The following TNFRSF25 variants were observed in gnomAD, a reference collection of about 807,000 sequenced individuals.
The protein encoded by TNFRSF25 is TNF receptor superfamily member 25, also known as tumor necrosis factor receptor superfamily member 25.
In TNFRSF25, 28 loss-of-function variants were observed where a neutral mutation model predicts 49.4. That is an observed-to-expected ratio of 0.57 (90% CI 0.42 to 0.78). TNFRSF25 has a LOEUF of 0.78. Ranked by LOEUF, TNFRSF25 falls within the 30% of genes least tolerant of loss-of-function variation. The pLI is 0.00. For synonymous variants in TNFRSF25, 240 were observed against 234.2 expected, an observed-to-expected ratio of 1.02 and a Z score of -0.23; for missense variants, 531 against 581.6, an observed-to-expected ratio of 0.91 and a Z score of 0.90.
In TNFRSF25 at chr1:6,461,218, G is replaced by T. The variant is rs45481403; in HGVS notation, c.*216C>A. On this transcript the variant is annotated 3_prime_UTR_variant, in exon 10 of 10. Coordinates refer to ENST00000356876, the MANE Select transcript of TNFRSF25 (RefSeq NM_003790.3). The surrounding 1 kb of genome is among the most constrained non-coding windows in gnomAD (Gnocchi z 6.3). ...ATCTCAGCCAAACTCCGGCCGAGAA[G>T]TTGAGAAATGTCTTCACCCCCTCTC... 2.7e-6 allele frequency: 2 copies of T among 733,002 alleles called. No individual in the cohort carries two copies. Among genetic ancestry groups the T allele is most frequent in the Non-Finnish European group, 5.0e-6 (2 of 400,804 alleles). The allele number at this position is 733,002 out of a possible 1,614,324, so 45.4% of individuals were successfully genotyped here. A position where few individuals can be genotyped will look rare whatever the true frequency, so the allele number is the denominator to read the frequency against.
At chr1:6,464,233 T>C in intron 5 of TNFRSF25, 142 bp downstream of exon 5, 1 of 1,490,042 alleles carries the variant, frequency 6.7e-7, no homozygotes, top group African/African-American at 1.4e-5. Context: ...TTGCCTGAAG[T>C]GGGGCCCACC....
intron 5 of TNFRSF25, chr1:6,463,512 G>A (rs1438216080): frequency 1.9e-5 from 4 of 215,536 alleles, no homozygotes; most frequent in African/African-American, 2.3e-5. Flanking sequence ...GGATCACGAG[G>A]TCAGGTGATC....
In TNFRSF25 at chr1:6,461,460, G is replaced by A. The variant is rs747187606; in HGVS notation, c.1228C>T (p.Arg410Cys). ...CACGGGCCGCGCTGCAGGCGGCTGCGCAAGTCTTCCACGCAGCCGTCCAGC... is the reference window on the plus strand; with the variant it reads ...CACGGGCCGCGCTGCAGGCGGCTGCACAAGTCTTCCACGCAGCCGTCCAGC... ...MGLDGCVEDL[R>C]SRLQRGP Residue 410 changes from arginine (R) to cysteine (C), a missense_variant, in exon 10 of 10, where the codon CGC (arginine) becomes TGC (cysteine). Arg to Cys is a radical substitution (Grantham distance 180). Transcript: ENST00000356876. This position sits in a 1 kb window ranked among gnomAD's most constrained non-coding sequence, Gnocchi z 6.3. 3.2e-6 allele frequency: 5 copies of A among 1,542,528 alleles called. No homozygotes were observed. Among genetic ancestry groups the A allele is most frequent in the Admixed American group, 2.0e-5 (1 of 50,586 alleles).
chr1:6,461,645 T>C lies in TNFRSF25; in HGVS notation c.1043A>G (p.Lys348Arg). ...VMDAVPARRWKEFVRTLGLRE... is the reference protein window; with the variant it reads ...VMDAVPARRWREFVRTLGLRE... ...CAGCCCCAGCGTGCGCACGAACTCC[T>C]TCCAGCGCCGCGCTGGGACCGCGTC... The change falls in exon 10 of 10, where the codon AAG (lysine) becomes AGG (arginine). Residue 348 changes from lysine to arginine, a missense_variant. By Grantham distance (26) the Lys-to-Arg change is conservative (BLOSUM62 2). Coordinates refer to ENST00000356876, the MANE Select transcript of TNFRSF25 (RefSeq NM_003790.3). This position sits in a 1 kb window ranked among gnomAD's most constrained non-coding sequence, Gnocchi z 6.3. 6.2e-7 allele frequency: 1 copy of C among 1,605,850 alleles called. No homozygotes were observed. The highest frequency in any genetic ancestry group is 8.5e-7 in the Non-Finnish European group (1 of 1,178,788).
Position 6,462,179 on chromosome 1 carries a change from A to G in TNFRSF25, c.745-5T>C, listed in dbSNP as rs770902697. The stretch of plus-strand genomic sequence containing the variant: ...CAAGGGTGACAGATGGGTGGCCTGG[A>G]AGCCAAGAGGGGCCCCAGGTCAGCC... On this transcript the variant is annotated splice_region_variant and splice_polypyrimidine_tract_variant and intron_variant, in intron 8 of 9. Transcript: ENST00000356876. This position sits in a 1 kb window ranked among gnomAD's most constrained non-coding sequence, Gnocchi z 4.2. The G allele has an allele frequency of 8.8e-6, 14 of 1,597,438 alleles. No homozygotes were observed. The South Asian group carries it at 1.6e-4, about 18-fold the overall frequency.
Position 6,462,385 on chromosome 1 carries a change from C to A in TNFRSF25, c.745-211G>T. On this transcript the variant is annotated intron_variant, in intron 8 of 9. Transcript: ENST00000356876. The surrounding 1 kb of genome is among the most constrained non-coding windows in gnomAD (Gnocchi z 4.2). ...CCCCCGCCTCCTTCCTCTTGTCCCC[C>A]AGCACCATGGGGCTCTCCTTCCATT... 8.4e-7 allele frequency: 1 copy of A among 1,185,206 alleles called. No individual in the cohort carries two copies. Among genetic ancestry groups the A allele is most frequent in the Non-Finnish European group, 1.1e-6 (1 of 870,776 alleles). 73.4% of individuals were successfully genotyped at this position (1,185,206 alleles called of 1,614,324 possible). A position where few individuals can be genotyped will look rare whatever the true frequency, so the allele number is the denominator to read the frequency against.
chr1:6,462,450 A>G lies in TNFRSF25; in HGVS notation c.744+179T>C. ...TGTGTACGAATCTGAACTCCAGCTG[A>G]CTGAGCACCCCTTGAGGGCAGGCAC... On this transcript the variant is annotated intron_variant, in intron 8 of 9. Transcript: ENST00000356876. This position sits in a 1 kb window ranked among gnomAD's most constrained non-coding sequence, Gnocchi z 4.2. 7.0e-7 allele frequency: 1 copy of G among 1,428,700 alleles called. No individual in the cohort carries two copies. Among genetic ancestry groups the G allele is most frequent in the Non-Finnish European group, 9.3e-7 (1 of 1,078,906 alleles). The allele number at this position is 1,428,700 out of a possible 1,614,324, so 88.5% of individuals were successfully genotyped here. A position where few individuals can be genotyped will look rare whatever the true frequency, so the allele number is the denominator to read the frequency against.
At chr1:6,463,531 C>A (rs1396409041) in intron 5 of TNFRSF25, 25 of 198,694 alleles carry the variant, frequency 1.3e-4, no homozygotes, top group African/African-American at 4.4e-4. Flanking sequence ...TCAAGACCAT[C>A]TTGGCTAACA....
Position 6,466,167 on chromosome 1 carries a change from C to T in TNFRSF25, c.-60G>A, listed in dbSNP as rs1303893388. 14 of 1,364,554 alleles carry T rather than the reference C, an allele frequency of 1.0e-5. No homozygotes were observed. Among genetic ancestry groups the T allele is most frequent in the South Asian group, 1.8e-5 (1 of 56,544 alleles). The allele number at this position is 1,364,554 out of a possible 1,614,324, so 84.5% of individuals were successfully genotyped here. On this transcript the variant is annotated 5_prime_UTR_variant, in exon 1 of 10. Coordinates refer to ENST00000356876, the MANE Select transcript of TNFRSF25 (RefSeq NM_003790.3). ...CCGTGCTCTCTGCCCGTCGTGGTTC[C>T]GCCTTCAGCCCCGCGCCCGCAGGGC...
At position 6,462,428 on chromosome 1, in the gene TNFRSF25, G is replaced by T; in HGVS notation, c.744+201C>A. The T allele has an allele frequency of 7.5e-7, 1 of 1,336,122 alleles. No homozygotes were observed. The highest frequency in any genetic ancestry group is 1.0e-6 in the Non-Finnish European group (1 of 1,003,034). 82.8% of individuals were successfully genotyped at this position (1,336,122 alleles called of 1,614,324 possible). A position where few individuals can be genotyped will look rare whatever the true frequency, so the allele number is the denominator to read the frequency against. On this transcript the variant is annotated intron_variant, in intron 8 of 9. Coordinates refer to ENST00000356876, the MANE Select transcript of TNFRSF25 (RefSeq NM_003790.3). The surrounding 1 kb of genome is among the most constrained non-coding windows in gnomAD (Gnocchi z 4.2). ...CTTCCATTGAACTGTTAGCTCCTGT[G>T]TACGAATCTGAACTCCAGCTGACTG...
chr1:6,462,235 G>A lies in TNFRSF25; in HGVS notation c.745-61C>T, dbSNP rs1644197845. ...TGCCAAGTAAGGCCCCTTACCCGCAGTGCCTCTCCAGGAGGGGACAGTCCC... is the reference window on the plus strand; with the variant it reads ...TGCCAAGTAAGGCCCCTTACCCGCAATGCCTCTCCAGGAGGGGACAGTCCC... On this transcript the variant is annotated intron_variant, in intron 8 of 9. Transcript: ENST00000356876. The surrounding 1 kb of genome is among the most constrained non-coding windows in gnomAD (Gnocchi z 4.2). 1 of 1,538,766 alleles carries A rather than the reference G, an allele frequency of 6.5e-7. No individual in the cohort carries two copies. Among genetic ancestry groups the A allele is most frequent in the Non-Finnish European group, 8.7e-7 (1 of 1,143,412 alleles).
chr1:6,466,065 T>TCACCGCCGC lies in TNFRSF25; in HGVS notation c.34_39+3dup. On this transcript the variant is annotated splice_donor_region_variant and intron_variant, in intron 1 of 9. Coordinates refer to ENST00000356876, the MANE Select transcript of TNFRSF25 (RefSeq NM_003790.3). The stretch of plus-strand genomic sequence containing the variant: ...TGCCCCTAGCCTCCTGCGTCTCAAC[T>TCACCGCCGC]CACCGCCGCCACCGCCGCGCAGCCC... The TCACCGCCGC allele has an allele frequency of 3.2e-6, 5 of 1,578,680 alleles. No homozygotes were observed. Among genetic ancestry groups the TCACCGCCGC allele is most frequent in the East Asian group, 2.5e-5 (1 of 40,378 alleles).
At chr1:6,463,491 C>A in intron 5 of TNFRSF25, 1 of 233,990 alleles carries the variant, frequency 4.3e-6, no homozygotes, top group Non-Finnish European at 8.4e-6. Context: ...CTTTGGGAGG[C>A]CAAGGCGGGT....
Position 6,461,429 on chromosome 1 carries a change from C to T in TNFRSF25, c.*5G>A, listed in dbSNP as rs761903222. 201 of 1,495,554 alleles carry T rather than the reference C, an allele frequency of 1.3e-4. No homozygotes were observed. The highest frequency in any genetic ancestry group is 1.4e-4 in the Admixed American group (6 of 43,058). 92.6% of individuals were successfully genotyped at this position (1,495,554 alleles called of 1,614,324 possible). Reference sequence around the variant, plus strand: ...AGAGCGCCTAGGTGGCAAGTGGGCGCCGTGTCACGGGCCGCGCTGCAGGCG... The same window carrying T: ...AGAGCGCCTAGGTGGCAAGTGGGCGTCGTGTCACGGGCCGCGCTGCAGGCG... On this transcript the variant is annotated 3_prime_UTR_variant, in exon 10 of 10. Coordinates refer to ENST00000356876, the MANE Select transcript of TNFRSF25 (RefSeq NM_003790.3). This position sits in a 1 kb window ranked among gnomAD's most constrained non-coding sequence, Gnocchi z 6.3.
chr1:6,462,448 T>C lies in TNFRSF25; in HGVS notation c.744+181A>G. Reference sequence around the variant, plus strand: ...CCTGTGTACGAATCTGAACTCCAGCTGACTGAGCACCCCTTGAGGGCAGGC... The same window carrying C: ...CCTGTGTACGAATCTGAACTCCAGCCGACTGAGCACCCCTTGAGGGCAGGC... On this transcript the variant is annotated intron_variant, in intron 8 of 9. Coordinates refer to ENST00000356876, the MANE Select transcript of TNFRSF25 (RefSeq NM_003790.3). This position sits in a 1 kb window ranked among gnomAD's most constrained non-coding sequence, Gnocchi z 4.2. The C allele has an allele frequency of 2.1e-6, 3 of 1,423,360 alleles. No homozygotes were observed. The highest frequency in any genetic ancestry group is 2.8e-6 in the Non-Finnish European group (3 of 1,074,670). The allele number at this position is 1,423,360 out of a possible 1,614,324, so 88.2% of individuals were successfully genotyped here. A position where few individuals can be genotyped will look rare whatever the true frequency, so the allele number is the denominator to read the frequency against.
Position 6,461,832 on chromosome 1 carries a change from C to A in TNFRSF25, c.926-70G>T. The A allele has an allele frequency of 6.9e-7, 1 of 1,456,778 alleles. No individual in the cohort carries two copies. The highest frequency in any genetic ancestry group is 1.4e-5 in the South Asian group (1 of 72,198). The allele number at this position is 1,456,778 out of a possible 1,614,324, so 90.2% of individuals were successfully genotyped here. On this transcript the variant is annotated intron_variant, in intron 9 of 9. Coordinates refer to ENST00000356876, the MANE Select transcript of TNFRSF25 (RefSeq NM_003790.3). The surrounding 1 kb of genome is among the most constrained non-coding windows in gnomAD (Gnocchi z 6.3). ...GTCGGGAGGCAGAGTCAGGGGCGTT[C>A]GTGCGGGTACCCCAGGGCTGAAGCC...
intron 5 of TNFRSF25, chr1:6,463,354 A>G: frequency 1.7e-6 from 1 of 598,640 alleles, no homozygotes; most frequent in Non-Finnish European, 3.0e-6. Flanking sequence ...CCAAAAGGAC[A>G]GGGATTTTGC....
chr1:6,461,938 T>G lies in TNFRSF25; in HGVS notation c.925+56A>C. On this transcript the variant is annotated intron_variant, in intron 9 of 9. Coordinates refer to ENST00000356876, the MANE Select transcript of TNFRSF25 (RefSeq NM_003790.3). This position sits in a 1 kb window ranked among gnomAD's most constrained non-coding sequence, Gnocchi z 6.3. ...AGGGAACACGTTGTGAAACCACAAC[T>G]TCCCACCGCAGACAGGAGAATGGGG... The G allele has an allele frequency of 1.3e-6, 2 of 1,545,946 alleles. No homozygotes were observed. The highest frequency in any genetic ancestry group is 8.7e-7 in the Non-Finnish European group (1 of 1,149,358).
In TNFRSF25 at chr1:6,461,011, C is replaced by G; in HGVS notation, c.*423G>C. The G allele has an allele frequency of 7.6e-6, 3 of 393,804 alleles. No individual in the cohort carries two copies. In the Admixed American group the frequency reaches 1.1e-4, roughly 14 times the overall value. 24.4% of individuals were successfully genotyped at this position (393,804 alleles called of 1,614,324 possible). Reference sequence around the variant, plus strand: ...TGAGCCAGAGTGGACTCGGGAGGGGCAGGCTTGGGAGCTAAGGCCACACTG... The same window carrying G: ...TGAGCCAGAGTGGACTCGGGAGGGGGAGGCTTGGGAGCTAAGGCCACACTG... On this transcript the variant is annotated 3_prime_UTR_variant, in exon 10 of 10. Coordinates refer to ENST00000356876, the MANE Select transcript of TNFRSF25 (RefSeq NM_003790.3). The surrounding 1 kb of genome is among the most constrained non-coding windows in gnomAD (Gnocchi z 6.3).
Sources: allele counts gnomAD v4.1 joint callset, GRCh38; gene constraint gnomAD v4.1.1; non-coding constraint Gnocchi (gnomAD v3.1); transcripts MANE v1.5; gene names NCBI Gene and HGNC (gene_info 2026-07-23, HGNC 2026-07-21).